The following ZWINT variants were observed in gnomAD, a reference collection of about 807,000 sequenced individuals.
ZWINT encodes the protein outer kinetochore KNL1 complex subunit ZWINT.
A neutral mutation model predicts 41.5 loss-of-function variants in ZWINT; 41 were observed. The ratio of observed to expected loss-of-function variants is 0.99; its 90% CI spans 0.77 to 1.28. ZWINT has a LOEUF of 1.28. ZWINT is among the 50% of genes most tolerant of loss of function. ZWINT has a pLI of 0.00. For synonymous variants in ZWINT, 132 were observed against 126.8 expected (o/e 1.04, Z -0.28); for missense variants, 369 against 329.7 (o/e 1.12, Z -0.92).
intron 1 of ZWINT, 151 bp from the exon 2 acceptor site, chr10:56,360,534 G>C: frequency 2.9e-6 from 2 of 683,270 alleles, no homozygotes; most frequent in Non-Finnish European, 4.9e-6. Flanking sequence ...GGGCCTGAAG[G>C]GTCCACAGCC....
intron 5 of ZWINT, among the ~76,000 whole-genome samples, chr10:56,359,155 C>A (rs1838253977): frequency 6.6e-6 from 1 of 152,092 alleles, no homozygotes; most frequent in South Asian, 2.1e-4. Flanking sequence ...GGGGAAGGGG[C>A]ACAAAGGTGA....
chr10:56,361,153 T>A, intron 1 of ZWINT, 43 bp downstream of exon 1: 2 of 1,610,834 alleles, frequency 1.2e-6, no homozygotes, highest in Non-Finnish European at 1.7e-6. Context: ...CACAAGGTCC[T>A]CCCAGGCCCG....
At position 56,359,597 on chromosome 10, in the gene ZWINT, T is replaced by C. The variant is rs1027522102; in HGVS notation, c.424-65A>G. The C allele has an allele frequency of 3.8e-6, 6 of 1,580,822 alleles. No individual in the cohort carries two copies. In the Admixed American group the frequency reaches 9.2e-5, roughly 24 times the overall value. On this transcript the variant is annotated intron_variant, in intron 4 of 8. Transcript: ENST00000373944. ...TTTTTCTGGCTAGAATTTTGGGAGATTGCAAGCTGGCACAACTCAGCTTGC... is the reference window on the plus strand; with the variant it reads ...TTTTTCTGGCTAGAATTTTGGGAGACTGCAAGCTGGCACAACTCAGCTTGC...
At position 56,358,373 on chromosome 10, in the gene ZWINT, T is replaced by C; in HGVS notation, c.*41+4A>G. 6.2e-7 allele frequency: 1 copy of C among 1,612,374 alleles called. No homozygotes were observed. Among genetic ancestry groups the C allele is most frequent in the Non-Finnish European group, 8.5e-7 (1 of 1,178,388 alleles). On this transcript the variant is annotated splice_donor_region_variant and intron_variant, in intron 8 of 8. Transcript: ENST00000373944. The stretch of plus-strand genomic sequence containing the variant: ...GGGACACCAAGGCCTGAGTTGGGTC[T>C]GACCTTTTCTAGGATCTTTCTCCAT...
chr10:56,361,263 T>A (rs755191993), upstream of ZWINT: 1 of 1,607,722 alleles, frequency 6.2e-7, no homozygotes, highest in Non-Finnish European at 8.5e-7. Flanking sequence ...TTCAGCTGCC[T>A]TCCCACAATC....
At position 56,360,152 on chromosome 10, in the gene ZWINT, G is replaced by A. The variant is rs936236613; in HGVS notation, c.133-11C>T. 6 of 1,613,574 alleles carry A rather than the reference G, an allele frequency of 3.7e-6. No homozygotes were observed. Among genetic ancestry groups the A allele is most frequent in the Admixed American group, 1.7e-5 (1 of 60,002 alleles). Reference sequence around the variant, plus strand: ...TTTCTTCTGAGAGTCCTGCTCAGAGGGAGGGCAGAGACAGGGAACATCCTT... The same window carrying A: ...TTTCTTCTGAGAGTCCTGCTCAGAGAGAGGGCAGAGACAGGGAACATCCTT... On this transcript the variant is annotated splice_polypyrimidine_tract_variant and intron_variant, in intron 2 of 8. Transcript: ENST00000373944.
In ZWINT at chr10:56,358,360, C is replaced by T; in HGVS notation, c.*41+17G>A. 6.3e-7 allele frequency: 1 copy of T among 1,599,198 alleles called. No homozygotes were observed. The highest frequency in any genetic ancestry group is 8.6e-7 in the Non-Finnish European group (1 of 1,166,562). ...CACTTGCAGTCCAGGGACACCAAGG[C>T]CTGAGTTGGGTCTGACCTTTTCTAG... On this transcript the variant is annotated intron_variant, in intron 8 of 8. Coordinates refer to ENST00000373944, the MANE Select transcript of ZWINT (RefSeq NM_007057.4).
At chr10:56,358,328 C>G (rs1230192184) in intron 8 of ZWINT, 49 bp downstream of exon 8, 1 of 1,485,676 alleles carries the variant, frequency 6.7e-7, no homozygotes, top group African/African-American at 1.4e-5. Context: ...GGCTTTCCCT[C>G]CTTCCACACT....
chr10:56,360,560 C>T (rs990768882), intron 1 of ZWINT, among the ~76,000 whole-genome samples, 177 bp from the exon 2 acceptor site: 3 of 152,168 alleles, frequency 2.0e-5, no homozygotes, highest in African/African-American at 4.8e-5. Flanking sequence ...CCAGGAATGG[C>T]GTGCATGGAG....
rs1336001565 is a variant in ZWINT, at chr10:56,358,547, C to T, written c.792+9G>A. ...CAGCCCATGCCCACCTGTTCCATCT[C>T]TCATTTACCTTGAAGGACACACCAG... On this transcript the variant is annotated intron_variant, in intron 7 of 8. Coordinates refer to ENST00000373944, the MANE Select transcript of ZWINT (RefSeq NM_007057.4). 17 of 1,613,914 alleles carry T rather than the reference C, an allele frequency of 1.1e-5. No homozygotes were observed. The highest frequency in any genetic ancestry group is 1.4e-5 in the Non-Finnish European group (17 of 1,179,984).
At chr10:56,358,745 T>G (rs1838238036) in intron 6 of ZWINT, 21 bp from the exon 7 acceptor site, 1 of 1,613,772 alleles carries the variant, frequency 6.2e-7, no homozygotes. Context: ...GAGGTAAGTG[T>G]GAAGGAAAGG....
Position 56,359,741 on chromosome 10 carries a change from T to C in ZWINT, c.369A>G (p.Glu123=). The change falls in exon 4 of 9, where the codon GAA becomes GAG. Residue 123 remains glutamate (E), a synonymous_variant. Coordinates refer to ENST00000373944, the MANE Select transcript of ZWINT (RefSeq NM_007057.4). ...GGAGTTGTGTCCGTTTCCTCTGGGC[T>C]TCCTCCATCTGAGTCAGGGCCTTGG... ...GLTKALTQME[E]AQRKRTQLRE... The C allele has an allele frequency of 6.2e-7, 1 of 1,614,168 alleles. No homozygotes were observed. Among genetic ancestry groups the C allele is most frequent in the African/African-American group, 1.3e-5 (1 of 75,054 alleles).
chr10:56,361,170 G>C (rs1247747550), intron 1 of ZWINT, 26 bp downstream of exon 1: 3 of 1,612,512 alleles, frequency 1.9e-6, no homozygotes, highest in Non-Finnish European at 2.5e-6. Context: ...CCCGGCCCCA[G>C]CTGCCACTTA....
At position 56,360,443 on chromosome 10, in the gene ZWINT, G is replaced by A. The variant is rs778316148; in HGVS notation, c.42-60C>T. On this transcript the variant is annotated intron_variant, in intron 1 of 8. Coordinates refer to ENST00000373944, the MANE Select transcript of ZWINT (RefSeq NM_007057.4). ...TCTTGTGGTGCTAGTTCTACAGTTC[G>A]TGTGTGTACACAAACAAATGTGGAT... 5 of 1,403,274 alleles carry A rather than the reference G, an allele frequency of 3.6e-6. No individual in the cohort carries two copies. The African/African-American group carries it at 4.3e-5, about 12-fold the overall frequency. 86.9% of individuals were successfully genotyped at this position (1,403,274 alleles called of 1,614,324 possible).
intron 5 of ZWINT, 34 bp downstream of exon 5, chr10:56,359,442 G>A: frequency 6.6e-7 from 1 of 1,506,758 alleles, no homozygotes. Flanking sequence ...GCATGGTGGT[G>A]GGAAGGGATA....
At chr10:56,359,988 A>T (rs1838283965) in intron 3 of ZWINT, 30 bp downstream of exon 3, 2 of 1,612,128 alleles carry the variant, frequency 1.2e-6, no homozygotes, top group Non-Finnish European at 1.7e-6. Flanking sequence ...CACTCAGGTC[A>T]GCTGCTACTA....
rs1383062374 is a variant in ZWINT, at chr10:56,359,603, G to A, written c.424-71C>T. The A allele has an allele frequency of 1.9e-6, 3 of 1,585,818 alleles. No homozygotes were observed. The African/African-American group carries it at 4.1e-5, about 22-fold the overall frequency. ...TGGCTAGAATTTTGGGAGATTGCAA[G>A]CTGGCACAACTCAGCTTGCTCACTC... On this transcript the variant is annotated intron_variant, in intron 4 of 8. Transcript: ENST00000373944.
At position 56,359,785 on chromosome 10, in the gene ZWINT, C is replaced by T; in HGVS notation, c.325G>A (p.Ala109Thr). Residue 109 changes from alanine to threonine, a missense_variant, in exon 4 of 9, where the codon GCC becomes ACC. Coordinates refer to ENST00000373944, the MANE Select transcript of ZWINT (RefSeq NM_007057.4). ...GCCTTGGTGAGGCCAATTTTGATGG[C>T]CTCTACGTGCTCCCTGTAGGTGGCC... Reference protein sequence around the residue: ...LKATYREHVEAIKIGLTKALT... With the variant: ...LKATYREHVETIKIGLTKALT... 6.2e-7 allele frequency: 1 copy of T among 1,614,102 alleles called. No homozygotes were observed. Among genetic ancestry groups the T allele is most frequent in the Non-Finnish European group, 8.5e-7 (1 of 1,180,016 alleles).
intron 1 of ZWINT, among the ~76,000 whole-genome samples, chr10:56,360,841 T>C (rs996390692): frequency 6.6e-6 from 1 of 152,050 alleles, no homozygotes; most frequent in African/African-American, 2.4e-5. Context: ...CGGTCTACTC[T>C]AGGGTTTTTC....
Sources: allele counts gnomAD v4.1 joint callset (sites outside exome capture counted in the v4.1 genomes callset), GRCh38; gene constraint gnomAD v4.1.1; transcripts MANE v1.5; gene names NCBI Gene and HGNC (gene_info 2026-07-23, HGNC 2026-07-21).